The following ST8SIA2 variants were observed in gnomAD, a reference collection of about 807,000 sequenced individuals.
ST8SIA2 encodes alpha-2,8-sialyltransferase 8B.
ST8SIA2 carries 22 observed loss-of-function variants against 37.6 expected under a neutral mutation model. The observed-to-expected ratio is 0.58, with a 90% CI of 0.42 to 0.83. The LOEUF is 0.83. Among genes scored for constraint, ST8SIA2 ranks in the 40% least tolerant of loss-of-function variants. The pLI is 0.00. For synonymous variants in ST8SIA2, 205 were observed against 201.2 expected (o/e 1.02, Z -0.16); for missense variants, 382 against 484.7 (o/e 0.79, Z 1.99).
rs774858875 is a variant in ST8SIA2 at position 92,464,170 on chromosome 15, C to T, written c.913C>T (p.Arg305Cys). The T allele has an allele frequency of 3.1e-6, 5 of 1,608,364 alleles. No individual in the cohort carries two copies. Among genetic ancestry groups the T allele is most frequent in the South Asian group, 2.2e-5 (2 of 90,836 alleles). Residue 305 changes from arginine (R) to cysteine (C), a missense_variant, in exon 6 of 6, where the codon CGT becomes TGT. Coordinates refer to ENST00000268164, the MANE Select transcript of ST8SIA2 (RefSeq NM_006011.4). Reference protein sequence around the residue: ...TGLLMYTLATRFCKQIYLYGF... With the variant: ...TGLLMYTLATCFCKQIYLYGF... ...CCTCTTGATGTATACCCTGGCCACA[C>T]GTTTCTGCAAACAAATCTACCTCTA...
At chr15:92,407,249 AG>A (rs1400753698) in intron 1 of ST8SIA2, among the ~76,000 whole-genome samples, 1 of 152,196 alleles carries the variant, frequency 6.6e-6, no homozygotes, top group East Asian at 1.9e-4. Context: ...CCAAGGTGCC[AG>A]GGGTTTAGCC....
chr15:92,407,435 T>A (rs1015787655), intron 1 of ST8SIA2, among the ~76,000 whole-genome samples: 2 of 152,204 alleles, frequency 1.3e-5, no homozygotes, highest in Non-Finnish European at 2.9e-5. Flanking sequence ...GAAGGAAATT[T>A]CTAGAGAAAC....
chr15:92,459,681 C>T (rs1238350874), intron 5 of ST8SIA2, among the ~76,000 whole-genome samples: 2 of 152,112 alleles, frequency 1.3e-5, no homozygotes, highest in Non-Finnish European at 2.9e-5. Flanking sequence ...TTCACTGCAA[C>T]CTCTGCCTCC....
chr15:92,406,988 C>T (rs1199221181), intron 1 of ST8SIA2, among the ~76,000 whole-genome samples: 1 of 140,612 alleles, frequency 7.1e-6, no homozygotes, highest in Non-Finnish European at 1.5e-5. Flanking sequence ...GAATGAAACC[C>T]TGTCTCAAAA....
chr15:92,440,166 G>T (rs747828999), intron 4 of ST8SIA2, among the ~76,000 whole-genome samples: 4 of 152,166 alleles, frequency 2.6e-5, no homozygotes, highest in Non-Finnish European at 4.4e-5. Context: ...CTACCCATTT[G>T]TCACATGACT....
intron 1 of ST8SIA2, among the ~76,000 whole-genome samples, chr15:92,416,638 C>T (rs1180934192): frequency 6.6e-6 from 1 of 152,142 alleles, no homozygotes; most frequent in Non-Finnish European, 1.5e-5. Context: ...AGAGAACGTG[C>T]CGTTGGACCC....
intron 1 of ST8SIA2, among the ~76,000 whole-genome samples, chr15:92,419,193 T>C (rs558830797): frequency 2.6e-5 from 4 of 152,180 alleles, no homozygotes; most frequent in South Asian, 2.1e-4. Context: ...AAGAATGTCA[T>C]TGCAAGGTGG....
chr15:92,440,039 C>T (rs994780092), intron 4 of ST8SIA2, among the ~76,000 whole-genome samples: 3 of 152,186 alleles, frequency 2.0e-5, no homozygotes, highest in African/African-American at 4.8e-5. Context: ...GTGAGCTTTA[C>T]ACATCCCATG....
Position 92,394,809 on chromosome 15 carries a change from CA to C in ST8SIA2, c.98+648del, listed in dbSNP as rs146440568. Among the ~76,000 whole-genome samples, 659 of 152,318 alleles carry C rather than the reference CA, an allele frequency of 4.3e-3. 2 individuals carry two copies. Among genetic ancestry groups the C allele is most frequent in the Non-Finnish European group, 7.3e-3 (498 of 68,018 alleles). On this transcript the variant is annotated intron_variant, in intron 1 of 5. Transcript: ENST00000268164. ...CCGCCCTCGCCTGGCTTTGGACGTT[CA>C]GCCAAGCCACGGCAACCCCGGCGAC...
chr15:92,441,860 G>A lies in ST8SIA2; in HGVS notation c.549-2776G>A, dbSNP rs113073134. On this transcript the variant is annotated intron_variant, in intron 4 of 5. Coordinates refer to ENST00000268164, the MANE Select transcript of ST8SIA2 (RefSeq NM_006011.4). ...GAGAGAGGCAAATGCCACACAGCTA[G>A]TGAGGGCTGGAGCCAGGCAGTGGAC... Among the ~76,000 whole-genome samples, 777 of 152,336 alleles carry A rather than the reference G, an allele frequency of 5.1e-3. 6 individuals carry two copies. The highest frequency in any genetic ancestry group is 0.018 in the African/African-American group (737 of 41,566).
At chr15:92,400,228 C>T (rs1336841475) in intron 1 of ST8SIA2, among the ~76,000 whole-genome samples, 3 of 152,156 alleles carry the variant, frequency 2.0e-5, no homozygotes, top group African/African-American at 7.2e-5. Context: ...TTGGTTGCCC[C>T]TCCTGTGTGC....
At chr15:92,419,532 G>C (rs4777978) in intron 1 of ST8SIA2, among the ~76,000 whole-genome samples, 75,813 of 151,896 alleles carry the variant, frequency 0.5, 19,260 homozygotes, top group East Asian at 0.72. Flanking sequence ...GGTCTGGGGA[G>C]GGGGTGCTGA....
intron 2 of ST8SIA2, 147 bp downstream of exon 2, chr15:92,430,258 G>C: frequency 6.1e-6 from 5 of 818,534 alleles, no homozygotes; most frequent in South Asian, 3.0e-5. Flanking sequence ...AATCACTTTT[G>C]GGGGGAGCTG....
At chr15:92,408,977 T>C (rs2049529770) in intron 1 of ST8SIA2, among the ~76,000 whole-genome samples, 1 of 152,160 alleles carries the variant, frequency 6.6e-6, no homozygotes, top group Admixed American at 6.5e-5. Flanking sequence ...ATGCTGGGAT[T>C]ACAGGCATGA....
In ST8SIA2 at chr15:92,467,570, C is replaced by T. The variant is rs2050001571; in HGVS notation, c.*3185C>T. 6.6e-6 allele frequency: 1 copy of T among 152,510 alleles called. No individual in the cohort carries two copies. The highest frequency in any genetic ancestry group is 2.4e-5 in the African/African-American group (1 of 41,558). The allele number at this position is 152,510 out of a possible 1,614,324, so 9.4% of individuals were successfully genotyped here. On this transcript the variant is annotated 3_prime_UTR_variant, in exon 6 of 6. Coordinates refer to ENST00000268164, the MANE Select transcript of ST8SIA2 (RefSeq NM_006011.4). Reference sequence around the variant, plus strand: ...TGCCACATTCTTGTGTTTTTTTCCTCCTTCTTTCCCAATCCCTCTCAACCA... The same window carrying T: ...TGCCACATTCTTGTGTTTTTTTCCTTCTTCTTTCCCAATCCCTCTCAACCA...
chr15:92,396,550 G>A (rs1041420028), intron 1 of ST8SIA2, among the ~76,000 whole-genome samples: 3 of 151,436 alleles, frequency 2.0e-5, no homozygotes, highest in South Asian at 2.1e-4. Context: ...ATGGAGTGCA[G>A]TGGCACAATC....
At chr15:92,398,187 A>G (rs1442736550) in intron 1 of ST8SIA2, among the ~76,000 whole-genome samples, 1 of 152,228 alleles carries the variant, frequency 6.6e-6, no homozygotes. Flanking sequence ...GAGCCTTGGG[A>G]CAAGAAGAGA....
At chr15:92,416,072 A>C (rs1038346883) in intron 1 of ST8SIA2, among the ~76,000 whole-genome samples, 1 of 152,110 alleles carries the variant, frequency 6.6e-6, no homozygotes, top group Non-Finnish European at 1.5e-5. Flanking sequence ...TGCATTTCGG[A>C]AAGCTGTGTC....
intron 5 of ST8SIA2, among the ~76,000 whole-genome samples, chr15:92,454,909 G>A (rs2049909598): frequency 6.6e-6 from 1 of 152,176 alleles, no homozygotes; most frequent in Non-Finnish European, 1.5e-5. Flanking sequence ...CCACAGAGAC[G>A]GTGGCCCCTC....
Sources: gnomAD v4.1 joint callset for allele counts (sites outside exome capture counted in the v4.1 genomes callset) on GRCh38, gnomAD v4.1.1 for gene constraint, MANE v1.5 for transcripts, NCBI Gene and HGNC (gene_info 2026-07-23, HGNC 2026-07-21) for gene names.